SNTG1: variants seen among roughly 807,000 people sequenced by gnomAD.
The protein encoded by SNTG1 is gamma-1-syntrophin.
Under a neutral mutation model 74.7 loss-of-function variants are expected in SNTG1, and 39 were observed. The ratio of observed to expected loss-of-function variants is 0.52; its 90% confidence interval spans 0.40 to 0.68. The LOEUF (loss-of-function observed/expected upper bound fraction) is 0.68, where lower values mean the gene tolerates loss of function less well. SNTG1 is among the 30% of genes least tolerant of loss of function. The probability of loss-of-function intolerance (pLI) is 0.00; values close to 1 mark genes in which losing one functional copy is unlikely to be tolerated. For missense variants in SNTG1, 685 were observed against 609.5 expected, an observed-to-expected ratio of 1.12 and a Z score of -1.30; for synonymous variants, 254 against 217.1, an observed-to-expected ratio of 1.17 and a Z score of -1.49.
chr8:50,783,089 C>T (rs1019779442), intron 18 of SNTG1, among the ~76,000 whole-genome samples: 4 of 152,042 alleles, frequency 2.6e-5, no homozygotes, highest in African/African-American at 7.2e-5. Flanking sequence ...AGTACCCGGC[C>T]GTGTGAGGTG....
intron 13 of SNTG1, among the ~76,000 whole-genome samples, chr8:50,635,560 A>G (rs1793007956): frequency 6.6e-6 from 1 of 152,120 alleles, no homozygotes; most frequent in African/African-American, 2.4e-5. Context: ...GTCTCTCCCC[A>G]TGGTCACCAT....
chr8:50,282,974 T>G (rs1025301787), intron 2 of SNTG1, among the ~76,000 whole-genome samples: 4 of 152,222 alleles, frequency 2.6e-5, no homozygotes, highest in African/African-American at 9.6e-5. Flanking sequence ...TAAGAGTTTC[T>G]AAATTCTGGA....
intron 2 of SNTG1, among the ~76,000 whole-genome samples, chr8:50,249,938 A>G (rs1586840755): frequency 6.6e-6 from 1 of 152,160 alleles, no homozygotes; most frequent in Non-Finnish European, 1.5e-5. Context: ...CAACCACAAA[A>G]TAACAGGGTT....
intron 1 of SNTG1, among the ~76,000 whole-genome samples, chr8:49,939,709 T>A (rs1808508644): frequency 1.3e-5 from 2 of 152,210 alleles, no homozygotes; most frequent in African/African-American, 2.4e-5. Flanking sequence ...ATTAAGCCTT[T>A]TAAAATAACC....
chr8:50,200,285 G>T (rs1296418844), intron 2 of SNTG1, among the ~76,000 whole-genome samples: 1 of 152,192 alleles, frequency 6.6e-6, no homozygotes, highest in East Asian at 1.9e-4. Context: ...GGAAGTGGAA[G>T]TGGGACTTTA....
At chr8:50,104,991 C>T (rs567976239) in intron 1 of SNTG1, among the ~76,000 whole-genome samples, 1 of 152,180 alleles carries the variant, frequency 6.6e-6, no homozygotes, top group African/African-American at 2.4e-5. Context: ...TGTAGGTTGT[C>T]TATTTACTCT....
intron 15 of SNTG1, among the ~76,000 whole-genome samples, chr8:50,700,121 G>C (rs1044655602): frequency 6.6e-6 from 1 of 152,140 alleles, no homozygotes; most frequent in Non-Finnish European, 1.5e-5. Flanking sequence ...ATGAGGGTGA[G>C]AAAGAGGAAT....
chr8:50,245,749 C>T (rs2086370942), intron 2 of SNTG1, among the ~76,000 whole-genome samples: 1 of 152,096 alleles, frequency 6.6e-6, no homozygotes, highest in East Asian at 1.9e-4. Context: ...AAGTCCTCTT[C>T]TCATTGTGAC....
chr8:50,247,838 TA>T (rs2086469208), intron 2 of SNTG1, among the ~76,000 whole-genome samples: 1 of 152,144 alleles, frequency 6.6e-6, no homozygotes, highest in Non-Finnish European at 1.5e-5. Context: ...GGGTTTTTCA[TA>T]ATACTAATTT....
chr8:50,045,928 C>T (rs914262306), intron 1 of SNTG1, among the ~76,000 whole-genome samples: 1 of 152,096 alleles, frequency 6.6e-6, no homozygotes, highest in Non-Finnish European at 1.5e-5. Context: ...AGAAGCTCAA[C>T]GAGATCAGGG....
At chr8:50,366,398 T>C (rs570154930) in intron 2 of SNTG1, among the ~76,000 whole-genome samples, 1 of 152,168 alleles carries the variant, frequency 6.6e-6, no homozygotes, top group South Asian at 2.1e-4. Context: ...CAAAGTGTAG[T>C]CCTTGACTAT....
intron 1 of SNTG1, among the ~76,000 whole-genome samples, chr8:49,993,774 T>A (rs758394154): frequency 1.3e-5 from 2 of 152,224 alleles, no homozygotes; most frequent in Non-Finnish European, 2.9e-5. Flanking sequence ...TCCATGTGTA[T>A]ATGTGCCACA....
intron 1 of SNTG1, among the ~76,000 whole-genome samples, chr8:50,107,814 G>A (rs993823626): frequency 1.3e-5 from 2 of 152,102 alleles, no homozygotes; most frequent in African/African-American, 4.8e-5. Flanking sequence ...GCCGCCCAAA[G>A]TGCTGGGATT....
At chr8:50,621,636 C>G (rs2220100) in intron 13 of SNTG1, among the ~76,000 whole-genome samples, 1 of 152,042 alleles carries the variant, frequency 6.6e-6, no homozygotes, top group African/African-American at 2.4e-5. Flanking sequence ...TTTGTAATTC[C>G]TCAGCCTGAG....
chr8:50,535,584 T>C (rs2094301923), intron 10 of SNTG1, among the ~76,000 whole-genome samples: 4 of 152,326 alleles, frequency 2.6e-5, no homozygotes, highest in Admixed American at 2.6e-4. Flanking sequence ...TAAGTGATCT[T>C]AGCCAGTCCA....
chr8:50,683,724 T>G (rs576679898), intron 15 of SNTG1, among the ~76,000 whole-genome samples: 1 of 152,280 alleles, frequency 6.6e-6, no homozygotes, highest in East Asian at 1.9e-4. Flanking sequence ...TTTTACTACT[T>G]GAGGGATTTA....
At chr8:50,507,226 G>T (rs1475596516) in intron 9 of SNTG1, among the ~76,000 whole-genome samples, 1 of 151,884 alleles carries the variant, frequency 6.6e-6, no homozygotes, top group African/African-American at 2.4e-5. Context: ...GTTGAATTCA[G>T]TTTTTTAGTA....
chr8:50,177,711 C>T (rs1202543677), intron 2 of SNTG1, among the ~76,000 whole-genome samples: 1 of 152,214 alleles, frequency 6.6e-6, no homozygotes, highest in Non-Finnish European at 1.5e-5. Flanking sequence ...TAATTGAACG[C>T]TTTGACCTCT....
At chr8:50,265,419 A>G (rs2087413300) in intron 2 of SNTG1, among the ~76,000 whole-genome samples, 1 of 152,108 alleles carries the variant, frequency 6.6e-6, no homozygotes, top group South Asian at 2.1e-4. Context: ...TCAAAATATA[A>G]CACCATTTTA....
Sources: allele counts gnomAD v4.1 joint callset (sites outside exome capture counted in the v4.1 genomes callset), GRCh38; gene constraint gnomAD v4.1.1; transcripts MANE v1.5; gene names NCBI Gene and HGNC (gene_info 2026-07-23, HGNC 2026-07-21).